FBXL7: variants seen among roughly 807,000 people sequenced by gnomAD.
The protein encoded by FBXL7 is F-box and leucine rich repeat protein 7, also known as F-box/LRR-repeat protein 7.
In FBXL7, 12 loss-of-function variants were observed where a neutral mutation model predicts 38.3. The observed-to-expected ratio is 0.31, with a 90% confidence interval of 0.20 to 0.51. The LOEUF is 0.51. FBXL7 is among the 20% of genes least tolerant of loss of function. The pLI is 0.98. For missense variants in FBXL7, 567 were observed against 676.4 expected, an observed-to-expected ratio of 0.84 and a Z score of 1.79; for synonymous variants, 297 against 300.9, an observed-to-expected ratio of 0.99 and a Z score of 0.13.
chr5:15,600,273 A>G (rs1739751892), intron 1 of FBXL7, among the ~76,000 whole-genome samples: 1 of 152,210 alleles, frequency 6.6e-6, no homozygotes, highest in African/African-American at 2.4e-5. Context: ...TCAGAACCAC[A>G]GAAGGGAGGG....
intron 1 of FBXL7, among the ~76,000 whole-genome samples, chr5:15,570,707 C>G (rs1051230613): frequency 1.3e-5 from 2 of 152,168 alleles, no homozygotes; most frequent in African/African-American, 4.8e-5. Flanking sequence ...TCCTGCAGCT[C>G]CACACACGGC....
intron 1 of FBXL7, among the ~76,000 whole-genome samples, chr5:15,540,263 A>G (rs964136149): frequency 6.6e-6 from 1 of 152,212 alleles, no homozygotes; most frequent in Non-Finnish European, 1.5e-5. Flanking sequence ...GGTATTGCCC[A>G]TCAGAATTTT....
chr5:15,871,409 A>G (rs950664637), intron 2 of FBXL7, among the ~76,000 whole-genome samples: 1 of 152,182 alleles, frequency 6.6e-6, no homozygotes, highest in Non-Finnish European at 1.5e-5. Context: ...AAAAGATCAC[A>G]ACTCCTTGCC....
intron 1 of FBXL7, among the ~76,000 whole-genome samples, chr5:15,526,000 A>G (rs1167770565): frequency 2.0e-5 from 3 of 152,174 alleles, no homozygotes; most frequent in Non-Finnish European, 4.4e-5. Context: ...CACCCACCAG[A>G]AAGTAAAATA....
At chr5:15,780,611 G>T (rs1232469479) in intron 2 of FBXL7, among the ~76,000 whole-genome samples, 1 of 152,156 alleles carries the variant, frequency 6.6e-6, no homozygotes, top group Non-Finnish European at 1.5e-5. Context: ...AGGGAGTCCT[G>T]TGTGCTTGTC....
intron 2 of FBXL7, among the ~76,000 whole-genome samples, chr5:15,809,409 T>C (rs1353964779): frequency 1.3e-5 from 2 of 152,152 alleles, no homozygotes; most frequent in Non-Finnish European, 2.9e-5. Context: ...CCCTAAAATA[T>C]ATTTCTTTCT....
At chr5:15,672,878 A>G (rs1206013981) in intron 2 of FBXL7, among the ~76,000 whole-genome samples, 1 of 152,160 alleles carries the variant, frequency 6.6e-6, no homozygotes, top group Non-Finnish European at 1.5e-5. Flanking sequence ...TCTAAATTTA[A>G]TGTCTGTCAA....
chr5:15,892,444 A>G (rs2126384592), intron 2 of FBXL7, among the ~76,000 whole-genome samples: 1 of 152,320 alleles, frequency 6.6e-6, no homozygotes, highest in African/African-American at 2.4e-5. Context: ...TCAGGGGTCT[A>G]CAACGGCAAT....
At chr5:15,627,890 C>T (rs1740871129) in intron 2 of FBXL7, among the ~76,000 whole-genome samples, 1 of 152,156 alleles carries the variant, frequency 6.6e-6, no homozygotes, top group African/African-American at 2.4e-5. Flanking sequence ...CTGAGGAAGT[C>T]CCCAACTTCC....
intron 2 of FBXL7, among the ~76,000 whole-genome samples, chr5:15,927,238 G>C (rs1481375601): frequency 6.6e-6 from 1 of 152,028 alleles, no homozygotes; most frequent in Non-Finnish European, 1.5e-5. Flanking sequence ...CACAACAGTG[G>C]CAGGGCTTGT....
intron 1 of FBXL7, among the ~76,000 whole-genome samples, chr5:15,594,955 A>G (rs1455902094): frequency 6.6e-6 from 1 of 152,176 alleles, no homozygotes; most frequent in Non-Finnish European, 1.5e-5. Context: ...CTTACATTTA[A>G]AAATATATAC....
At chr5:15,748,400 A>G (rs1020748148) in intron 2 of FBXL7, among the ~76,000 whole-genome samples, 4 of 152,226 alleles carry the variant, frequency 2.6e-5, no homozygotes, top group Admixed American at 6.5e-5. Flanking sequence ...AATAATCACC[A>G]CGTGTCAAGG....
chr5:15,583,836 G>A (rs930821236), intron 1 of FBXL7, among the ~76,000 whole-genome samples: 15 of 152,176 alleles, frequency 9.9e-5, no homozygotes, highest in African/African-American at 3.4e-4. Context: ...CTGTGTGGGG[G>A]TTCTGACTCC....
At chr5:15,773,500 A>G (rs1193588421) in intron 2 of FBXL7, among the ~76,000 whole-genome samples, 2 of 151,910 alleles carry the variant, frequency 1.3e-5, no homozygotes, top group East Asian at 1.9e-4. Context: ...TTTTTTAAGT[A>G]TCTAGTCATG....
At chr5:15,887,161 C>A (rs1740711701) in intron 2 of FBXL7, among the ~76,000 whole-genome samples, 1 of 152,056 alleles carries the variant, frequency 6.6e-6, no homozygotes, top group South Asian at 2.1e-4. Flanking sequence ...TGGTTTTGTC[C>A]AATTTAAGGA....
intron 1 of FBXL7, among the ~76,000 whole-genome samples, chr5:15,566,505 G>C (rs2126444389): frequency 6.6e-6 from 1 of 152,230 alleles, no homozygotes; most frequent in Non-Finnish European, 1.5e-5. Context: ...GCAGTGCACT[G>C]AGCTAGGCGT....
At chr5:15,633,753 A>C (rs1741075256) in intron 2 of FBXL7, among the ~76,000 whole-genome samples, 2 of 145,468 alleles carry the variant, frequency 1.4e-5, no homozygotes, top group Non-Finnish European at 3.0e-5. Flanking sequence ...TATTATTATT[A>C]TTATTATTAT....
At chr5:15,922,524 A>T (rs902164418) in intron 2 of FBXL7, among the ~76,000 whole-genome samples, 4 of 152,178 alleles carry the variant, frequency 2.6e-5, no homozygotes, top group African/African-American at 7.2e-5. Context: ...GAACTATGCT[A>T]CAGTTTCACC....
chr5:15,614,383 C>T (rs2126516343), intron 1 of FBXL7, among the ~76,000 whole-genome samples: 1 of 151,978 alleles, frequency 6.6e-6, no homozygotes, highest in South Asian at 2.1e-4. Flanking sequence ...GATTCTTCTG[C>T]CGCAGACTCC....
Sources: gnomAD v4.1 joint callset for allele counts (sites outside exome capture counted in the v4.1 genomes callset) on GRCh38, gnomAD v4.1.1 for gene constraint, MANE v1.5 for transcripts, NCBI Gene and HGNC (gene_info 2026-07-23, HGNC 2026-07-21) for gene names.